The following ZFR2 variants were observed in gnomAD, a reference collection of about 807,000 sequenced individuals.
ZFR2 encodes the protein zinc finger RNA-binding protein 2.
ZFR2 carries 104 observed loss-of-function variants against 105.7 expected under a neutral mutation model. The observed-to-expected ratio is 0.98, with a 90% CI of 0.84 to 1.16. ZFR2 has a LOEUF of 1.16. Ranked by LOEUF, ZFR2 falls within the 50% of genes most tolerant of loss-of-function variation. ZFR2 has a pLI of 0.00. For missense variants in ZFR2, 1,425 were observed against 1,355.5 expected (o/e 1.05, Z -0.80); for synonymous variants, 634 against 597.7 (o/e 1.06, Z -0.89).
At position 3,820,287 on chromosome 19, in the gene ZFR2, C is replaced by T. The variant is rs775820511; in HGVS notation, c.1635G>A (p.Arg545=). The T allele has an allele frequency of 1.3e-6, 2 of 1,544,108 alleles. No homozygotes were observed. The highest frequency in any genetic ancestry group is 1.7e-6 in the Non-Finnish European group (2 of 1,145,896). The change falls in exon 11 of 19, where the codon CGG becomes CGA. Residue 545 remains arginine (R), a synonymous_variant. Coordinates refer to ENST00000262961, the MANE Select transcript of ZFR2 (RefSeq NM_015174.2). ...QLRRWHAERR[R]LEEEPPQDVP... ...CGTCCTGGGGTGGCTCCTCCTCCAG[C>T]CGCCTGCAGGACCGAGACGTGACAG... is the stretch of plus-strand genomic sequence containing the variant.
At chr19:3,856,224 AG>A (rs1018088936) in intron 1 of ZFR2, among the ~76,000 whole-genome samples, 1 of 152,122 alleles carries the variant, frequency 6.6e-6, no homozygotes, top group Admixed American at 6.5e-5. Context: ...AGCAGGATGA[AG>A]GGGTTTTGGA....
intron 14 of ZFR2, among the ~76,000 whole-genome samples, chr19:3,812,769 A>G (rs906242692): frequency 1.1e-4 from 17 of 152,262 alleles, no homozygotes; most frequent in African/African-American, 4.1e-4. Context: ...AAACAAAACA[A>G]AACACTTAAG....
chr19:3,837,747 TTGA>T (rs1377528332), intron 1 of ZFR2, among the ~76,000 whole-genome samples: 1 of 149,044 alleles, frequency 6.7e-6, no homozygotes, highest in Non-Finnish European at 1.5e-5. Context: ...ACTGTGGAAC[TTGA>T]TGAACACCAT....
At chr19:3,866,742 T>G (rs1196914140) in intron 1 of ZFR2, among the ~76,000 whole-genome samples, 1 of 152,156 alleles carries the variant, frequency 6.6e-6, no homozygotes, top group Non-Finnish European at 1.5e-5. Flanking sequence ...TCCAGAAGTT[T>G]GTACTAGCCT....
chr19:3,851,145 C>T (rs140195842), intron 1 of ZFR2, among the ~76,000 whole-genome samples: 72 of 151,966 alleles, frequency 4.7e-4, no homozygotes, highest in South Asian at 4.2e-3. Flanking sequence ...CAGGTGGAGA[C>T]GGTTAGAGAG....
Position 3,823,241 on chromosome 19 carries a change from C to T in ZFR2, c.1371+5G>A, listed in dbSNP as rs2037914255. 1.2e-6 allele frequency: 2 copies of T among 1,613,812 alleles called. No homozygotes were observed. Among genetic ancestry groups the T allele is most frequent in the Admixed American group, 1.7e-5 (1 of 60,000 alleles). On this transcript the variant is annotated splice_donor_5th_base_variant and intron_variant, in intron 8 of 18. Transcript: ENST00000262961. The surrounding 1 kb of genome is among the most constrained non-coding windows in gnomAD (Gnocchi z 5.4). The stretch of plus-strand genomic sequence containing the variant: ...GGGCACCAGGACTTGACAGCCTCGA[C>T]TTACCTCCTCCACATATTCCGGGCC...
intron 13 of ZFR2, among the ~76,000 whole-genome samples, chr19:3,815,896 C>T (rs1382787988): frequency 6.6e-6 from 1 of 151,824 alleles, no homozygotes; most frequent in Admixed American, 6.6e-5. Flanking sequence ...AGACTACAGG[C>T]GCCCGCCACC....
chr19:3,861,132 A>T (rs894868762), intron 1 of ZFR2, among the ~76,000 whole-genome samples: 1 of 152,160 alleles, frequency 6.6e-6, no homozygotes, highest in Non-Finnish European at 1.5e-5. Flanking sequence ...GCGGAAGCAG[A>T]GCCATGCCGC....
intron 5 of ZFR2, among the ~76,000 whole-genome samples, chr19:3,829,561 G>A (rs575520672): frequency 2.5e-4 from 38 of 151,724 alleles, no homozygotes; most frequent in African/African-American, 9.2e-4. Flanking sequence ...CGCCCAGGCT[G>A]GGGTGCAGTA....
Position 3,815,463 on chromosome 19 carries a change from G to C in ZFR2, c.2103+1211C>G, listed in dbSNP as rs544810844. 6.2e-4 allele frequency among the ~76,000 whole-genome samples: 95 copies of C among 152,304 alleles called. No homozygotes were observed. In the South Asian group the frequency reaches 0.019, roughly 31 times the overall value. ...GAGAAGAGTATATGAAAATTCTCTAGAGGAAAAAAATTCAGTTGACATTTC... is the reference window on the plus strand; with the variant it reads ...GAGAAGAGTATATGAAAATTCTCTACAGGAAAAAAATTCAGTTGACATTTC... On this transcript the variant is annotated intron_variant, in intron 13 of 18. Transcript: ENST00000262961.
intron 1 of ZFR2, among the ~76,000 whole-genome samples, chr19:3,865,074 T>G (rs895378011): frequency 4.6e-5 from 7 of 152,132 alleles, no homozygotes; most frequent in Non-Finnish European, 1.0e-4. Flanking sequence ...TTAAAAGCAC[T>G]GCTGCATTCA....
rs1053255348 is a variant in ZFR2, at chr19:3,815,234, C to T, written c.2104-1276G>A. 3.9e-5 allele frequency among the ~76,000 whole-genome samples: 6 copies of T among 152,088 alleles called. No individual in the cohort carries two copies. The South Asian group carries it at 1.0e-3, about 26-fold the overall frequency. On this transcript the variant is annotated intron_variant, in intron 13 of 18. Transcript: ENST00000262961. ...CCTCCTGAGTAGCTGGGATTACAGG[C>T]GCCCACCACCATGCCCGGCTAATTT...
chr19:3,833,507 C>T (rs553641121), intron 3 of ZFR2, 157 bp downstream of exon 3: 26 of 563,234 alleles, frequency 4.6e-5, no homozygotes, highest in South Asian at 2.9e-4. Flanking sequence ...ACCTGGGAGG[C>T]GAAGCTTGCA....
chr19:3,819,624 C>T (rs1425568500), intron 11 of ZFR2, among the ~76,000 whole-genome samples: 4 of 152,102 alleles, frequency 2.6e-5, no homozygotes, highest in African/African-American at 7.2e-5. Flanking sequence ...GAGGCCGAGG[C>T]GGGCGGATCA....
chr19:3,856,379 G>A (rs2038301706), intron 1 of ZFR2, among the ~76,000 whole-genome samples: 2 of 152,142 alleles, frequency 1.3e-5, no homozygotes, highest in Admixed American at 6.5e-5. Flanking sequence ...GAAACTGGGT[G>A]TCATCGATAG....
At chr19:3,855,713 A>AG in intron 1 of ZFR2, 1 of 353,090 alleles carries the variant, frequency 2.8e-6, no homozygotes, top group Non-Finnish European at 5.1e-6. Flanking sequence ...GGTGAGGAGG[A>AG]GGGTGAAGAC....
intron 17 of ZFR2, 74 bp from the exon 18 acceptor site, chr19:3,807,343 C>T (rs2037708572): frequency 9.4e-6 from 11 of 1,174,802 alleles, no homozygotes; most frequent in East Asian, 2.6e-5. Flanking sequence ...GGCCGTCCCT[C>T]GACACCGTGG....
intron 1 of ZFR2, among the ~76,000 whole-genome samples, chr19:3,868,160 CT>C (rs1358389002): frequency 1.3e-5 from 2 of 150,504 alleles, no homozygotes; most frequent in Non-Finnish European, 3.0e-5. Context: ...AGCTCTCCCC[CT>C]GTCCAGCCAG....
intron 1 of ZFR2, among the ~76,000 whole-genome samples, chr19:3,846,187 G>A (rs1481561088): frequency 6.6e-6 from 1 of 152,222 alleles, no homozygotes; most frequent in Non-Finnish European, 1.5e-5. Context: ...ATGTTGGCCA[G>A]GCTGTTCTTG....
Sources: gnomAD v4.1 joint callset for allele counts (sites outside exome capture counted in the v4.1 genomes callset) on GRCh38, gnomAD v4.1.1 for gene constraint, Gnocchi (gnomAD v3.1) non-coding constraint, MANE v1.5 for transcripts, NCBI Gene and HGNC (gene_info 2026-07-23, HGNC 2026-07-21) for gene names.